BOC: variants seen among roughly 807,000 people sequenced by gnomAD.
BOC encodes brother of CDO.
BOC carries 76 observed loss-of-function variants against 112.0 expected under a neutral mutation model. The ratio of observed to expected loss-of-function variants is 0.68; its 90% CI spans 0.56 to 0.82. The LOEUF is 0.82. Ranked by LOEUF, BOC falls within the 40% of genes least tolerant of loss-of-function variation. The pLI is 0.00. For synonymous variants in BOC, 580 were observed against 599.8 expected, an observed-to-expected ratio of 0.97 and a Z score of 0.48; for missense variants, 1,309 against 1,511.7, an observed-to-expected ratio of 0.87 and a Z score of 2.22.
At chr3:113,251,382 A>G (rs1945622767) in intron 4 of BOC, 1 of 160,246 alleles carries the variant, frequency 6.2e-6, no homozygotes, top group African/African-American at 2.4e-5. Context: ...AAATATTAGA[A>G]CATAATGAAA....
chr3:113,227,452 C>T (rs1941853014), intron 2 of BOC, among the ~76,000 whole-genome samples: 1 of 152,188 alleles, frequency 6.6e-6, no homozygotes, highest in African/African-American at 2.4e-5. Context: ...CCAGATGGCT[C>T]CCAGTATTGA....
chr3:113,272,785 C>G (rs922923368), intron 7 of BOC, 82 bp downstream of exon 7: 9 of 1,499,638 alleles, frequency 6.0e-6, no homozygotes, highest in South Asian at 5.1e-5. Context: ...CCCAGGCTCA[C>G]AAAGGGTTAG....
chr3:113,247,500 G>GAAA (rs58781225), intron 2 of BOC, among the ~76,000 whole-genome samples: 2,873 of 125,720 alleles, frequency 0.023, 104 homozygotes, highest in African/African-American at 0.072. Context: ...GCCCTGATAG[G>GAAA]AAAAAAAAAA....
chr3:113,232,507 C>T (rs1942774781), intron 2 of BOC, among the ~76,000 whole-genome samples: 1 of 152,080 alleles, frequency 6.6e-6, no homozygotes, highest in Admixed American at 6.6e-5. Flanking sequence ...AGAAAGTAAA[C>T]TGTCATGACT....
intron 2 of BOC, among the ~76,000 whole-genome samples, chr3:113,245,146 A>C (rs1015696006): frequency 1.4e-4 from 22 of 152,228 alleles, no homozygotes; most frequent in African/African-American, 4.8e-4. Flanking sequence ...TAATTAAAAA[A>C]ATTTTTTAAA....
At chr3:113,236,226 A>ATG (rs1179339047) in intron 2 of BOC, among the ~76,000 whole-genome samples, 1 of 96,788 alleles carries the variant, frequency 1.0e-5, no homozygotes, top group African/African-American at 4.6e-5. Context: ...GTATATACGT[A>ATG]TATGTGTGTG....
Position 113,268,514 on chromosome 3 carries a change from C to G in BOC, c.523+69C>G, listed in dbSNP as rs1440489135. ...GAAGCTGGCCTCCTCCAACCGCTCGCTGCTCAACAAAGCTAGGGCAGCTGC... is the reference window on the plus strand; with the variant it reads ...GAAGCTGGCCTCCTCCAACCGCTCGGTGCTCAACAAAGCTAGGGCAGCTGC... On this transcript the variant is annotated intron_variant, in intron 5 of 19. Transcript: ENST00000682979. The G allele has an allele frequency of 2.0e-6, 3 of 1,492,218 alleles. No individual in the cohort carries two copies. In the East Asian group the frequency reaches 7.1e-5, roughly 35 times the overall value. 92.4% of individuals were successfully genotyped at this position (1,492,218 alleles called of 1,614,324 possible).
rs753459215 is a variant in BOC, at chr3:113,272,679, A to C, written c.937A>C (p.Ile313Leu). 6.2e-7 allele frequency: 1 copy of C among 1,613,784 alleles called. No individual in the cohort carries two copies. The highest frequency in any genetic ancestry group is 8.5e-7 in the Non-Finnish European group (1 of 1,179,930). Reference protein sequence around the residue: ...NGVGQPGAAVILYNVQVFEPP... With the variant: ...NGVGQPGAAVLLYNVQVFEPP... ...GGTTGGGCAGCCCGGGGCAGCGGTC[A>C]TCCTCTACAATGTCCAGGTGTTTGG... The change falls in exon 7 of 20, where the codon ATC becomes CTC. Residue 313 changes from isoleucine (I) to leucine (L), a missense_variant. By Grantham distance (5) the Ile-to-Leu change is conservative. Transcript: ENST00000682979.
At chr3:113,213,387 A>G (rs1288169227) in intron 1 of BOC, among the ~76,000 whole-genome samples, 1 of 152,142 alleles carries the variant, frequency 6.6e-6, no homozygotes, top group Non-Finnish European at 1.5e-5. Flanking sequence ...TCATTTTAAA[A>G]CTTCAGTGTG....
rs79051389 is a variant in BOC at position 113,286,325 on chromosome 3, A to G, written c.3161-350A>G. ...ACTGGATTGTGAGTGGGATGATTGTAACCAGAAGCCATAGCAAAGGGTGGA... is the reference window on the plus strand; with the variant it reads ...ACTGGATTGTGAGTGGGATGATTGTGACCAGAAGCCATAGCAAAGGGTGGA... On this transcript the variant is annotated intron_variant, in intron 19 of 19. Coordinates refer to ENST00000682979, the MANE Select transcript of BOC (RefSeq NM_001378074.1). Among the ~76,000 whole-genome samples the G allele has an allele frequency of 9.3e-3, 1,413 of 152,260 alleles. 18 individuals carry two copies. The highest frequency in any genetic ancestry group is 0.032 in the African/African-American group (1,347 of 41,552).
intron 2 of BOC, among the ~76,000 whole-genome samples, chr3:113,226,128 C>T (rs6791650): frequency 0.56 from 85,628 of 151,978 alleles, 25,868 homozygotes; most frequent in East Asian, 0.78. Context: ...TTGTTCTTTT[C>T]TTTCCTAATG....
In BOC at chr3:113,274,279, CCT is replaced by C. The variant is rs955831454; in HGVS notation, c.1235-91_1235-90del. 3 of 1,255,558 alleles carry C rather than the reference CCT, an allele frequency of 2.4e-6. No individual in the cohort carries two copies. The South Asian group carries it at 5.3e-5, about 22-fold the overall frequency. The allele number at this position is 1,255,558 out of a possible 1,614,324, so 77.8% of individuals were successfully genotyped here. On this transcript the variant is annotated intron_variant, in intron 8 of 19. Transcript: ENST00000682979. This position sits in a 1 kb window ranked among gnomAD's most constrained non-coding sequence, Gnocchi z 4.8. The stretch of plus-strand genomic sequence containing the variant: ...TACAGCTGATGGTGGGCCCAGGTTG[CCT>C]CTCTGTCTTCTTTCTGTTTTCTCCC...
rs76281138 is a variant in BOC, at chr3:113,234,343, C to T, written c.-81-15379C>T. On this transcript the variant is annotated intron_variant, in intron 2 of 19. Transcript: ENST00000682979. ...AACTGACCTTCCCATGTACTGAGGA[C>T]GGCCTGTGTGTGTGTATGTGTGCAC... Among the ~76,000 whole-genome samples the T allele has an allele frequency of 8.0e-3, 1,210 of 152,132 alleles. 19 individuals carry two copies. Among genetic ancestry groups the T allele is most frequent in the African/African-American group, 0.026 (1,080 of 41,508 alleles).
chr3:113,234,329 C>T (rs995425286), intron 2 of BOC, among the ~76,000 whole-genome samples: 2 of 152,084 alleles, frequency 1.3e-5, no homozygotes, highest in African/African-American at 4.8e-5. Context: ...ACTGACCTTC[C>T]CATGTACTGA....
At chr3:113,266,741 C>CT (rs1947523219) in intron 4 of BOC, among the ~76,000 whole-genome samples, 2 of 152,196 alleles carry the variant, frequency 1.3e-5, no homozygotes, top group African/African-American at 4.8e-5. Context: ...AGGAACAAAA[C>CT]TCGGTCCACG....
chr3:113,216,339 T>C (rs1179961369), intron 2 of BOC, 65 bp downstream of exon 2: 2 of 450,938 alleles, frequency 4.4e-6, no homozygotes, highest in East Asian at 7.0e-5. Context: ...TGTTCATGTT[T>C]TGTGTTACCA....
At position 113,268,458 on chromosome 3, in the gene BOC, G is replaced by C. The variant is rs770730852; in HGVS notation, c.523+13G>C. The stretch of plus-strand genomic sequence containing the variant: ...GAGGCCTCCAGAGGTGAGTGGGCAG[G>C]AGCCCAGAGGCCAAGGCTGAGGCCA... On this transcript the variant is annotated intron_variant, in intron 5 of 19. Coordinates refer to ENST00000682979, the MANE Select transcript of BOC (RefSeq NM_001378074.1). The C allele has an allele frequency of 6.2e-7, 1 of 1,612,752 alleles. No individual in the cohort carries two copies.
chr3:113,225,518 A>G (rs1236049016), intron 2 of BOC, among the ~76,000 whole-genome samples: 7 of 152,164 alleles, frequency 4.6e-5, no homozygotes, highest in Admixed American at 6.5e-5. Flanking sequence ...CCATTCTCCA[A>G]TCTATAGCCT....
chr3:113,276,566 G>A (rs775424969), intron 9 of BOC, among the ~76,000 whole-genome samples: 11 of 152,308 alleles, frequency 7.2e-5, no homozygotes, highest in South Asian at 2.1e-4. Flanking sequence ...AAGATCACCC[G>A]AGAAAGAATT....
Sources: gnomAD v4.1 joint callset for allele counts (sites outside exome capture counted in the v4.1 genomes callset) on GRCh38, gnomAD v4.1.1 for gene constraint, Gnocchi (gnomAD v3.1) non-coding constraint, MANE v1.5 for transcripts, NCBI Gene and HGNC (gene_info 2026-07-23, HGNC 2026-07-21) for gene names.